The following LLGL2 variants were observed in gnomAD, a reference collection of about 807,000 sequenced individuals.
LLGL2 encodes the protein LLGL2, scribble cell polarity complex component.
LLGL2 carries 81 observed loss-of-function variants against 123.2 expected under a neutral mutation model. That is an observed-to-expected ratio of 0.66 (90% confidence interval 0.55 to 0.79). LLGL2 has a LOEUF of 0.79. LLGL2 is among the 30% of genes least tolerant of loss of function. The pLI, the probability that LLGL2 is intolerant of heterozygous loss-of-function variation, is 0.00. For missense variants in LLGL2, 1,273 were observed against 1,414.6 expected, an observed-to-expected ratio of 0.90 and a Z score of 1.61; for synonymous variants, 577 against 594.1, an observed-to-expected ratio of 0.97 and a Z score of 0.42.
chr17:75,560,144 G>C (rs980404294), intron 6 of LLGL2, among the ~76,000 whole-genome samples: 8 of 152,226 alleles, frequency 5.3e-5, no homozygotes, highest in African/African-American at 1.9e-4. Context: ...CCAGCCCTGG[G>C]TGGTGATGAA....
intron 2 of LLGL2, among the ~76,000 whole-genome samples, chr17:75,547,118 A>G (rs890026746): frequency 5.9e-5 from 9 of 152,176 alleles, no homozygotes; most frequent in African/African-American, 2.2e-4. Context: ...TTTTGGCTCA[A>G]CTCCTTTATA....
intron 2 of LLGL2, among the ~76,000 whole-genome samples, chr17:75,547,378 C>T (rs888525298): frequency 7.9e-5 from 12 of 152,330 alleles, no homozygotes; most frequent in Middle Eastern, 3.4e-3. Flanking sequence ...GGTCTAGATG[C>T]GGGCTCTGAT....
At chr17:75,551,208 G>C (rs1684521487) in intron 2 of LLGL2, among the ~76,000 whole-genome samples, 1 of 152,194 alleles carries the variant, frequency 6.6e-6, no homozygotes, top group African/African-American at 2.4e-5. Flanking sequence ...ACTTGGAGAA[G>C]TGCCCAAGGT....
Position 75,564,730 on chromosome 17 carries a change from G to A in LLGL2, c.1036+223G>A, listed in dbSNP as rs1298253223. The A allele has an allele frequency of 6.7e-5, 42 of 626,028 alleles. No homozygotes were observed. In the East Asian group the frequency reaches 7.7e-4, roughly 11 times the overall value. The allele number at this position is 626,028 out of a possible 1,614,324, so 38.8% of individuals were successfully genotyped here. A position where few individuals can be genotyped will look rare whatever the true frequency, so the allele number is the denominator to read the frequency against. On this transcript the variant is annotated intron_variant, in intron 10 of 25. Transcript: ENST00000392550. This position sits in a 1 kb window ranked among gnomAD's most constrained non-coding sequence, Gnocchi z 4.9. ...AATAAAAAAATTAGCCAGGTGTTGT[G>A]GCACGTACCTGTAGTCCTAGCTACT...
rs540348479 is a variant in LLGL2 at position 75,569,113 on chromosome 17, G to A, written c.1458G>A (p.Glu486=). The A allele has an allele frequency of 7.4e-6, 12 of 1,613,490 alleles. No homozygotes were observed. In the African/African-American group the frequency reaches 1.6e-4, roughly 21 times the overall value. The part of the protein sequence containing the change: ...NENFSAQGED[E]WPPLRKVGSF... Reference sequence around the variant, plus strand: ...ACTTCAGTGCCCAGGGCGAGGACGAGTGGCCCCCACTCCGCAAGGTGAGGC... The same window carrying A: ...ACTTCAGTGCCCAGGGCGAGGACGAATGGCCCCCACTCCGCAAGGTGAGGC... Residue 486 remains glutamate, a synonymous_variant, in exon 13 of 26, where the codon GAG becomes GAA. Transcript: ENST00000392550.
rs1053167655 is a variant in LLGL2 at position 75,559,655 on chromosome 17, G to A, written c.530+245G>A. ...CCTCGTCTAAAGGCCCCAAATGACT[G>A]TGTAATGTCACCGACTGTCAGTCCA... On this transcript the variant is annotated intron_variant, in intron 6 of 25. Coordinates refer to ENST00000392550, the MANE Select transcript of LLGL2 (RefSeq NM_001031803.2). The surrounding 1 kb of genome is among the most constrained non-coding windows in gnomAD (Gnocchi z 4.6). Among the ~76,000 whole-genome samples the A allele has an allele frequency of 1.3e-5, 2 of 152,364 alleles. No individual in the cohort carries two copies. Among genetic ancestry groups the A allele is most frequent in the Non-Finnish European group, 2.9e-5 (2 of 68,034 alleles).
chr17:75,564,314 A>G lies in LLGL2; in HGVS notation c.882-39A>G, dbSNP rs1598613557. The G allele has an allele frequency of 6.4e-7, 1 of 1,571,104 alleles. No individual in the cohort carries two copies. The highest frequency in any genetic ancestry group is 8.6e-7 in the Non-Finnish European group (1 of 1,160,150). On this transcript the variant is annotated intron_variant, in intron 9 of 25. Transcript: ENST00000392550. The surrounding 1 kb of genome is among the most constrained non-coding windows in gnomAD (Gnocchi z 4.9). ...GGCCTGTGGCTGTTGAGGCTGTGCC[A>G]GGAGCCCCAGCCCACTGCCGCTCCT...
intron 2 of LLGL2, among the ~76,000 whole-genome samples, chr17:75,551,154 C>G (rs2054654680): frequency 6.6e-6 from 1 of 152,150 alleles, no homozygotes; most frequent in Non-Finnish European, 1.5e-5. Flanking sequence ...GGTCACTGCC[C>G]TTATTTTGGT....
chr17:75,566,182 G>C (rs1169140171), intron 10 of LLGL2, among the ~76,000 whole-genome samples: 1 of 152,214 alleles, frequency 6.6e-6, no homozygotes, highest in Non-Finnish European at 1.5e-5. Flanking sequence ...GGGCAGAATG[G>C]CCCCCGTGCT....
At chr17:75,565,117 C>T (rs1384263280) in intron 10 of LLGL2, among the ~76,000 whole-genome samples, 2 of 152,224 alleles carry the variant, frequency 1.3e-5, no homozygotes, top group Non-Finnish European at 2.9e-5. Flanking sequence ...TTAACACCCA[C>T]CCCGCTGAGG....
At chr17:75,527,904 C>T (rs939566922) in intron 1 of LLGL2, among the ~76,000 whole-genome samples, 1 of 151,546 alleles carries the variant, frequency 6.6e-6, no homozygotes, top group African/African-American at 2.4e-5. Flanking sequence ...CCTCCCACCT[C>T]AGCCTTCTGA....
chr17:75,564,685 A>T lies in LLGL2; in HGVS notation c.1036+178A>T. The stretch of plus-strand genomic sequence containing the variant: ...CAAGTCCAGCCTGGACAACGTAGGG[A>T]GACCCTTGTCTCTACAAAAAATAAA... On this transcript the variant is annotated intron_variant, in intron 10 of 25. Transcript: ENST00000392550. This position sits in a 1 kb window ranked among gnomAD's most constrained non-coding sequence, Gnocchi z 4.9. The T allele has an allele frequency of 9.6e-7, 1 of 1,044,918 alleles. No homozygotes were observed. Among genetic ancestry groups the T allele is most frequent in the Non-Finnish European group, 1.3e-6 (1 of 747,088 alleles). The allele number at this position is 1,044,918 out of a possible 1,614,324, so 64.7% of individuals were successfully genotyped here. A position where few individuals can be genotyped will look rare whatever the true frequency, so the allele number is the denominator to read the frequency against.
chr17:75,570,573 GGCCCCTGC>G (rs2055658609), intron 16 of LLGL2, 75 bp downstream of exon 16: 14 of 1,492,830 alleles, frequency 9.4e-6, no homozygotes, highest in Non-Finnish European at 7.2e-6. Flanking sequence ...GGGGCCACAC[GGCCCCTGC>G]TCCCCAGGCT....
Position 75,559,263 on chromosome 17 carries a change from G to C in LLGL2, c.383G>C (p.Ser128Thr), listed in dbSNP as rs2055086863. 5 of 1,608,064 alleles carry C rather than the reference G, an allele frequency of 3.1e-6. No homozygotes were observed. The highest frequency in any genetic ancestry group is 4.2e-6 in the Non-Finnish European group (5 of 1,177,538). ...TLRGPPGAAPSATQITVVLPH... is the reference protein window; with the variant it reads ...TLRGPPGAAPTATQITVVLPH... ...TGTTCTTGTCACAGGGCTGCCCCCA[G>C]TGCCACACAGATCACCGTGGTCCTG... Residue 128 changes from serine to threonine, a missense_variant, in exon 6 of 26, where the codon AGT becomes ACT. Transcript: ENST00000392550. This position sits in a 1 kb window ranked among gnomAD's most constrained non-coding sequence, Gnocchi z 4.6.
In LLGL2 at chr17:75,559,033, G is replaced by C. The variant is rs1346110914; in HGVS notation, c.372-219G>C. The C allele has an allele frequency of 1.3e-5, 7 of 558,816 alleles. No homozygotes were observed. The highest frequency in any genetic ancestry group is 2.2e-5 in the Non-Finnish European group (7 of 319,634). The allele number at this position is 558,816 out of a possible 1,614,324, so 34.6% of individuals were successfully genotyped here. The stretch of plus-strand genomic sequence containing the variant: ...CTCCTCCATCCGCACCCCGTGTTAT[G>C]CTGGAGGGTCCCTGGCGTCTTTCCT... On this transcript the variant is annotated intron_variant, in intron 5 of 25. Coordinates refer to ENST00000392550, the MANE Select transcript of LLGL2 (RefSeq NM_001031803.2). This position sits in a 1 kb window ranked among gnomAD's most constrained non-coding sequence, Gnocchi z 4.6.
At position 75,572,084 on chromosome 17, in the gene LLGL2, G is replaced by T; in HGVS notation, c.2460+20G>T. On this transcript the variant is annotated intron_variant, in intron 19 of 25. Coordinates refer to ENST00000392550, the MANE Select transcript of LLGL2 (RefSeq NM_001031803.2). ...TTCAAGGTGCCACACGGGCAGCGGC[G>T]GGTCTCCCTGGGACTCCCCGGGACA... 6.2e-7 allele frequency: 1 copy of T among 1,601,918 alleles called. No homozygotes were observed.
Position 75,532,104 on chromosome 17 carries a change from G to A in LLGL2, c.-31+6279G>A, listed in dbSNP as rs577184368. Among the ~76,000 whole-genome samples, 8 of 73,922 alleles carry A rather than the reference G, an allele frequency of 1.1e-4. No homozygotes were observed. In the East Asian group the frequency reaches 1.8e-3, roughly 17 times the overall value. 48.5% of individuals were successfully genotyped at this position (73,922 alleles called of 152,430 possible). ...TTTTTTTTTTTTTTTTTTTTGAGACGGAGTCTTACTCTGTGGCCCAGGTTG... is the reference window on the plus strand; with the variant it reads ...TTTTTTTTTTTTTTTTTTTTGAGACAGAGTCTTACTCTGTGGCCCAGGTTG... On this transcript the variant is annotated intron_variant, in intron 1 of 25. Coordinates refer to ENST00000392550, the MANE Select transcript of LLGL2 (RefSeq NM_001031803.2).
rs115417974 is a variant in LLGL2 at position 75,543,282 on chromosome 17, C to G, written c.-30-115C>G. On this transcript the variant is annotated intron_variant, in intron 1 of 25. Coordinates refer to ENST00000392550, the MANE Select transcript of LLGL2 (RefSeq NM_001031803.2). ...GGTCACTGTGAAGCTGGCCTGGCCC[C>G]GGGGTGGCAGCCTACTGGACTTGGA... is the stretch of plus-strand genomic sequence containing the variant. 3.9e-3 allele frequency: 2,561 copies of G among 649,022 alleles called. 42 individuals carry two copies. The African/African-American group carries it at 0.042, about 11-fold the overall frequency. The allele number at this position is 649,022 out of a possible 1,614,324, so 40.2% of individuals were successfully genotyped here. A position where few individuals can be genotyped will look rare whatever the true frequency, so the allele number is the denominator to read the frequency against.
intron 21 of LLGL2, 50 bp downstream of exon 21, chr17:75,573,681 C>T: frequency 6.7e-7 from 1 of 1,491,662 alleles, no homozygotes; most frequent in Non-Finnish European, 8.9e-7. Flanking sequence ...CCCTCCCTGC[C>T]CTCTCTGAGA....
Sources: gnomAD v4.1 joint callset for allele counts (sites outside exome capture counted in the v4.1 genomes callset) on GRCh38, gnomAD v4.1.1 for gene constraint, Gnocchi (gnomAD v3.1) non-coding constraint, MANE v1.5 for transcripts, NCBI Gene and HGNC (gene_info 2026-07-23, HGNC 2026-07-21) for gene names.